TEAD1: variants seen among roughly 807,000 people sequenced by gnomAD.
TEAD1 encodes the protein transcriptional enhancer factor TEF-1.
In TEAD1, 9 loss-of-function variants were observed where a neutral mutation model predicts 54.9. That is an observed-to-expected ratio of 0.16 (90% confidence interval 0.10 to 0.29). The LOEUF (loss-of-function observed/expected upper bound fraction) is 0.29, where lower values mean the gene tolerates loss of function less well. Ranked by LOEUF, TEAD1 falls within the 10% of genes least tolerant of loss-of-function variation. The pLI is 1.00. For synonymous variants in TEAD1, 200 were observed against 187.8 expected, an observed-to-expected ratio of 1.07 and a Z score of -0.53; for missense variants, 387 against 535.9, an observed-to-expected ratio of 0.72 and a Z score of 2.74.
In TEAD1 at chr11:12,901,969, G is replaced by T. The variant is rs749828562; in HGVS notation, c.729G>T (p.Gly243=). 6.2e-7 allele frequency: 1 copy of T among 1,614,070 alleles called. No homozygotes were observed. Among genetic ancestry groups the T allele is most frequent in the African/African-American group, 1.3e-5 (1 of 74,938 alleles). The change falls in exon 10 of 13, where the codon GGG becomes GGT. Residue 243 remains glycine (G), a synonymous_variant. Transcript: ENST00000527636. ...ACAAACACCTCTTCGTGCACATTGGGCATGCCAACCATTCTTACAGTGACC... is the reference window on the plus strand; with the variant it reads ...ACAAACACCTCTTCGTGCACATTGGTCATGCCAACCATTCTTACAGTGACC...
chr11:12,819,997 A>G (rs914006357), intron 3 of TEAD1, among the ~76,000 whole-genome samples: 2 of 111,180 alleles, frequency 1.8e-5, no homozygotes, highest in Non-Finnish European at 3.5e-5. Flanking sequence ...GTGGGCAGAG[A>G]CTGGGTGGTT....
At chr11:12,714,142 C>G (rs756203284) in intron 2 of TEAD1, among the ~76,000 whole-genome samples, 3 of 152,102 alleles carry the variant, frequency 2.0e-5, no homozygotes, top group Admixed American at 6.6e-5. Context: ...GGCAGGAACT[C>G]GGGAGGCTGC....
rs57806203 is a variant in TEAD1, at chr11:12,718,333, G to A, written c.-55+42772G>A. The stretch of plus-strand genomic sequence containing the variant: ...CAGAGCATGAAATAGAGATAATCAG[G>A]TGTCCCCCGGCCCCTCACAGGATTG... On this transcript the variant is annotated intron_variant, in intron 2 of 12. Coordinates refer to ENST00000527636, the MANE Select transcript of TEAD1 (RefSeq NM_021961.6). Among the ~76,000 whole-genome samples, 197 of 152,228 alleles carry A rather than the reference G, an allele frequency of 1.3e-3. 1 individual carries two copies. The East Asian group carries it at 0.028, about 22-fold the overall frequency.
chr11:12,815,994 G>C (rs1946406950), intron 3 of TEAD1, among the ~76,000 whole-genome samples: 1 of 152,204 alleles, frequency 6.6e-6, no homozygotes, highest in Non-Finnish European at 1.5e-5. Flanking sequence ...CCAGGACTGA[G>C]GTCCTTTTAG....
chr11:12,685,234 A>G (rs1943308753), intron 2 of TEAD1, among the ~76,000 whole-genome samples: 1 of 152,244 alleles, frequency 6.6e-6, no homozygotes, highest in Non-Finnish European at 1.5e-5. Flanking sequence ...GTTCTTTAAA[A>G]AAATTAAAAT....
intron 2 of TEAD1, among the ~76,000 whole-genome samples, chr11:12,704,754 C>G (rs1404334322): frequency 1.3e-5 from 2 of 152,198 alleles, no homozygotes. Context: ...TGTGCTTGCA[C>G]AAGTCAAAGG....
At chr11:12,701,012 T>G (rs1943689868) in intron 2 of TEAD1, among the ~76,000 whole-genome samples, 1 of 152,176 alleles carries the variant, frequency 6.6e-6, no homozygotes, top group African/African-American at 2.4e-5. Flanking sequence ...GCTTTAGAGT[T>G]TAGATTTTGA....
At chr11:12,700,705 C>T (rs1381438992) in intron 2 of TEAD1, among the ~76,000 whole-genome samples, 1 of 152,088 alleles carries the variant, frequency 6.6e-6, no homozygotes, top group African/African-American at 2.4e-5. Context: ...TGGAGTTGGT[C>T]AGTTATTTAT....
chr11:12,894,121 GT>G (rs1161119210), intron 9 of TEAD1, among the ~76,000 whole-genome samples: 10 of 152,292 alleles, frequency 6.6e-5, no homozygotes, highest in Non-Finnish European at 7.4e-5. Context: ...TGAGTTATTT[GT>G]CTTGATTTCT....
At chr11:12,796,947 T>TA (rs1564943146) in intron 3 of TEAD1, among the ~76,000 whole-genome samples, 1 of 151,726 alleles carries the variant, frequency 6.6e-6, no homozygotes, top group African/African-American at 2.4e-5. Context: ...CCATCTCTAC[T>TA]AAAAAATACA....
chr11:12,771,380 A>G (rs1945308486), intron 3 of TEAD1, among the ~76,000 whole-genome samples: 1 of 152,220 alleles, frequency 6.6e-6, no homozygotes, highest in Non-Finnish European at 1.5e-5. Flanking sequence ...CTGTTACAGT[A>G]GTCCGGTAGG....
At chr11:12,872,912 A>G (rs1483682536) in intron 5 of TEAD1, among the ~76,000 whole-genome samples, 1 of 152,210 alleles carries the variant, frequency 6.6e-6, no homozygotes, top group African/African-American at 2.4e-5. Flanking sequence ...TAAGTACTTG[A>G]AGCAGTCCTG....
chr11:12,733,887 T>C (rs1944471098), intron 2 of TEAD1, among the ~76,000 whole-genome samples: 2 of 152,220 alleles, frequency 1.3e-5, no homozygotes, highest in African/African-American at 4.8e-5. Context: ...CTAATGTGTT[T>C]GCTTGTGTCT....
chr11:12,941,447 T>C lies in TEAD1; in HGVS notation c.*4225T>C, dbSNP rs912280551. On this transcript the variant is annotated 3_prime_UTR_variant, in exon 13 of 13. Coordinates refer to ENST00000527636, the MANE Select transcript of TEAD1 (RefSeq NM_021961.6). ...GAACGACTTTTAAACCCAAGTCTTC[T>C]TAAGGTTTCAGTACTGTGGTGGCTT... The C allele has an allele frequency of 2.0e-5, 3 of 152,240 alleles. No individual in the cohort carries two copies. The highest frequency in any genetic ancestry group is 7.2e-5 in the African/African-American group (3 of 41,476). The allele number at this position is 152,240 out of a possible 1,614,324, so 9.4% of individuals were successfully genotyped here. A position where few individuals can be genotyped will look rare whatever the true frequency, so the allele number is the denominator to read the frequency against.
At chr11:12,715,936 C>G (rs2133858295) in intron 2 of TEAD1, among the ~76,000 whole-genome samples, 1 of 152,146 alleles carries the variant, frequency 6.6e-6, no homozygotes, top group East Asian at 1.9e-4. Context: ...GGGGGAAAGA[C>G]CAACAAGAAC....
At chr11:12,783,590 C>T (rs1945611259) in intron 3 of TEAD1, among the ~76,000 whole-genome samples, 1 of 152,150 alleles carries the variant, frequency 6.6e-6, no homozygotes, top group Non-Finnish European at 1.5e-5. Context: ...TTAGGTCACA[C>T]ACTGACACTC....
chr11:12,779,584 T>G (rs1027351829), intron 3 of TEAD1, among the ~76,000 whole-genome samples: 5 of 152,202 alleles, frequency 3.3e-5, no homozygotes, highest in African/African-American at 1.2e-4. Context: ...AATACCCAGT[T>G]CATTCTTTGA....
chr11:12,936,330 GTATT>G (rs1949098345), intron 12 of TEAD1, among the ~76,000 whole-genome samples: 1 of 152,150 alleles, frequency 6.6e-6, no homozygotes, highest in African/African-American at 2.4e-5. Flanking sequence ...GGAAGCATGA[GTATT>G]TCACAATACA....
At chr11:12,746,634 G>A (rs113256497) in intron 2 of TEAD1, among the ~76,000 whole-genome samples, 3 of 152,164 alleles carry the variant, frequency 2.0e-5, no homozygotes, top group South Asian at 2.1e-4. Context: ...ATGTTCAAAG[G>A]TCTTCCTTTT....
Sources: gnomAD v4.1 joint callset for allele counts (sites outside exome capture counted in the v4.1 genomes callset) on GRCh38, gnomAD v4.1.1 for gene constraint, MANE v1.5 for transcripts, NCBI Gene and HGNC (gene_info 2026-07-23, HGNC 2026-07-21) for gene names.